KCNAB1: variants seen among roughly 807,000 people sequenced by gnomAD.
The protein encoded by KCNAB1 is voltage-gated potassium channel subunit beta-1.
A neutral mutation model predicts 64.6 loss-of-function variants in KCNAB1; 35 were observed. The observed-to-expected ratio is 0.54, with a 90% CI of 0.41 to 0.72. The LOEUF (loss-of-function observed/expected upper bound fraction) is 0.72. Ranked by LOEUF, KCNAB1 falls within the 30% of genes least tolerant of loss-of-function variation. The probability of loss-of-function intolerance (pLI) is 0.00; values close to 1 mark genes in which losing one functional copy is unlikely to be tolerated. For synonymous variants in KCNAB1, 177 were observed against 183.8 expected (o/e 0.96, Z 0.30); for missense variants, 401 against 512.9 (o/e 0.78, Z 2.11).
intron 8 of KCNAB1, among the ~76,000 whole-genome samples, chr3:156,496,030 A>C (rs1034444453): frequency 3.9e-5 from 6 of 152,110 alleles, no homozygotes; most frequent in Non-Finnish European, 7.4e-5. Flanking sequence ...TTTGCCTCAC[A>C]ACCAGGCAGG....
chr3:156,364,571 G>C (rs932213073), intron 1 of KCNAB1, among the ~76,000 whole-genome samples: 2 of 152,120 alleles, frequency 1.3e-5, no homozygotes, highest in Non-Finnish European at 2.9e-5. Context: ...CTAAGGTCGG[G>C]AGTTCGAGAC....
At chr3:156,153,557 C>T (rs1222423401) in intron 1 of KCNAB1, among the ~76,000 whole-genome samples, 1 of 152,208 alleles carries the variant, frequency 6.6e-6, no homozygotes, top group Non-Finnish European at 1.5e-5. Flanking sequence ...ATGAAATTAA[C>T]ATTGGAATTG....
intron 1 of KCNAB1, among the ~76,000 whole-genome samples, chr3:156,221,932 C>A (rs1715790567): frequency 6.6e-6 from 1 of 152,132 alleles, no homozygotes; most frequent in Non-Finnish European, 1.5e-5. Flanking sequence ...AATCTTGAGA[C>A]AAATCCTCAA....
intron 1 of KCNAB1, among the ~76,000 whole-genome samples, chr3:156,123,374 A>T (rs1368306361): frequency 6.6e-6 from 1 of 152,236 alleles, no homozygotes; most frequent in East Asian, 1.9e-4. Flanking sequence ...AATATTTTAC[A>T]TCAGGTTAAT....
intron 1 of KCNAB1, among the ~76,000 whole-genome samples, chr3:156,251,106 T>A (rs1367544915): frequency 6.6e-6 from 1 of 152,218 alleles, no homozygotes; most frequent in Non-Finnish European, 1.5e-5. Context: ...TACTGATGAA[T>A]AACTTAGTAT....
intron 12 of KCNAB1, among the ~76,000 whole-genome samples, chr3:156,529,191 C>T (rs1026063272): frequency 3.9e-5 from 6 of 152,096 alleles, no homozygotes; most frequent in East Asian, 3.9e-4. Context: ...TAGTGCAACA[C>T]GGAAAAACCT....
At chr3:156,182,768 G>A (rs916234941) in intron 1 of KCNAB1, among the ~76,000 whole-genome samples, 1 of 148,324 alleles carries the variant, frequency 6.7e-6, no homozygotes, top group Non-Finnish European at 1.5e-5. Flanking sequence ...GTGCCATCTC[G>A]GCTCAAGGCA....
intron 8 of KCNAB1, among the ~76,000 whole-genome samples, chr3:156,487,102 A>G (rs1715275579): frequency 6.6e-6 from 1 of 152,146 alleles, no homozygotes; most frequent in Admixed American, 6.5e-5. Flanking sequence ...AAAAAATTTA[A>G]CTCTTAGTTT....
At chr3:156,219,544 T>A (rs1168392095) in intron 1 of KCNAB1, among the ~76,000 whole-genome samples, 1 of 151,880 alleles carries the variant, frequency 6.6e-6, no homozygotes, top group African/African-American at 2.4e-5. Context: ...TTTGAGGGAA[T>A]AATTGAGGAA....
intron 1 of KCNAB1, among the ~76,000 whole-genome samples, chr3:156,139,261 A>G (rs933476311): frequency 1.3e-5 from 2 of 152,206 alleles, no homozygotes; most frequent in Admixed American, 6.5e-5. Context: ...CTTTATGAAA[A>G]GAAACTTCAG....
At chr3:156,237,798 C>CT (rs1454266322) in intron 1 of KCNAB1, among the ~76,000 whole-genome samples, 1 of 151,840 alleles carries the variant, frequency 6.6e-6, no homozygotes, top group Non-Finnish European at 1.5e-5. Context: ...TCCTGATCTT[C>CT]TTTTTTACCT....
At chr3:156,406,502 G>C (rs1714257877) in intron 1 of KCNAB1, among the ~76,000 whole-genome samples, 1 of 152,088 alleles carries the variant, frequency 6.6e-6, no homozygotes, top group Admixed American at 6.5e-5. Flanking sequence ...CCTTGGAAAG[G>C]GGGATTTTGG....
chr3:156,400,297 A>G (rs1713796826), intron 1 of KCNAB1, among the ~76,000 whole-genome samples: 1 of 152,246 alleles, frequency 6.6e-6, no homozygotes, highest in East Asian at 1.9e-4. Flanking sequence ...TGCAGCCTGC[A>G]AAGATAACCA....
chr3:156,303,749 C>G (rs969695816), intron 1 of KCNAB1, among the ~76,000 whole-genome samples: 1 of 152,184 alleles, frequency 6.6e-6, no homozygotes, highest in Non-Finnish European at 1.5e-5. Context: ...TAGTACTACA[C>G]TGAGGATAGT....
rs147189084 is a variant in KCNAB1, at chr3:156,239,917, A to C, written c.275+119031A>C. Among the ~76,000 whole-genome samples, 335 of 152,282 alleles carry C rather than the reference A, an allele frequency of 2.2e-3. 2 individuals are homozygous for C. Among genetic ancestry groups the C allele is most frequent in the African/African-American group, 7.8e-3 (323 of 41,556 alleles). ...GATTAAAAACACCTGTGATGGGTTG[A>C]GGTGGAAAGAGCTTCACAAGCTAGA... On this transcript the variant is annotated intron_variant, in intron 1 of 13. Coordinates refer to ENST00000490337, the MANE Select transcript of KCNAB1 (RefSeq NM_172160.3).
chr3:156,143,932 TA>T (rs954249800), intron 1 of KCNAB1, among the ~76,000 whole-genome samples: 25 of 151,032 alleles, frequency 1.7e-4, no homozygotes, highest in African/African-American at 5.8e-4. Context: ...TTTATTTATT[TA>T]TTTATTTTTT....
At chr3:156,273,778 G>T in intron 1 of KCNAB1, 1 of 406,662 alleles carries the variant, frequency 2.5e-6, no homozygotes, top group South Asian at 1.8e-5. Flanking sequence ...GATCAATGGA[G>T]GCTTCTATTC....
chr3:156,192,814 TTTAGA>T (rs1167986785), intron 1 of KCNAB1, among the ~76,000 whole-genome samples: 1 of 152,144 alleles, frequency 6.6e-6, no homozygotes, highest in Admixed American at 6.5e-5. Context: ...TCTGGCTTTC[TTTAGA>T]TTAGTATTAT....
chr3:156,227,891 C>T (rs1406393526), intron 1 of KCNAB1: 1 of 152,220 alleles, frequency 6.6e-6, no homozygotes, highest in African/African-American at 2.4e-5. Context: ...GCCCTTTCTG[C>T]CATGTCATCA....
Sources: gnomAD v4.1 joint callset for allele counts (sites outside exome capture counted in the v4.1 genomes callset) on GRCh38, gnomAD v4.1.1 for gene constraint, MANE v1.5 for transcripts, NCBI Gene and HGNC (gene_info 2026-07-23, HGNC 2026-07-21) for gene names.